The following KCNJ3 variants were observed in gnomAD, a reference collection of about 807,000 sequenced individuals.
KCNJ3 encodes potassium inwardly rectifying channel subfamily J member 3.
KCNJ3 carries 4 observed loss-of-function variants against 39.2 expected under a neutral mutation model. The observed-to-expected ratio is 0.10, with a 90% CI of 0.05 to 0.23. The LOEUF is 0.23. KCNJ3 is among the 10% of genes least tolerant of loss of function. The pLI, the probability that KCNJ3 is intolerant of heterozygous loss-of-function variation, is 1.00. For synonymous variants in KCNJ3, 230 were observed against 237.4 expected (o/e 0.97, Z 0.29); for missense variants, 276 against 634.9 (o/e 0.43, Z 6.08).
At chr2:154,709,288 C>A in intron 1 of KCNJ3, 1 of 371,876 alleles carries the variant, frequency 2.7e-6, no homozygotes, top group Middle Eastern at 7.8e-4. Context: ...TGCTGTCAAG[C>A]AGCAGCACAT....
At chr2:154,800,803 G>T (rs931118469) in intron 2 of KCNJ3, among the ~76,000 whole-genome samples, 1 of 152,030 alleles carries the variant, frequency 6.6e-6, no homozygotes, top group Non-Finnish European at 1.5e-5. Flanking sequence ...CTGTTCTATA[G>T]TACCTTTAGA....
intron 2 of KCNJ3, among the ~76,000 whole-genome samples, chr2:154,714,217 A>G (rs538882606): frequency 2.0e-5 from 3 of 152,036 alleles, no homozygotes; most frequent in Non-Finnish European, 4.4e-5. Context: ...ACTCCTTTCT[A>G]TTTGCTCTGA....
chr2:154,730,059 A>T (rs1685425592), intron 2 of KCNJ3, among the ~76,000 whole-genome samples: 1 of 151,840 alleles, frequency 6.6e-6, no homozygotes. Flanking sequence ...ACATTTAGGA[A>T]TCATTTCAGA....
intron 2 of KCNJ3, among the ~76,000 whole-genome samples, chr2:154,712,746 G>T (rs1173474472): frequency 6.6e-6 from 1 of 152,104 alleles, no homozygotes; most frequent in Non-Finnish European, 1.5e-5. Flanking sequence ...TGGAAGGATT[G>T]CTTGAGCCTG....
intron 2 of KCNJ3, among the ~76,000 whole-genome samples, chr2:154,807,120 G>A (rs979968587): frequency 6.6e-6 from 1 of 152,164 alleles, no homozygotes; most frequent in Non-Finnish European, 1.5e-5. Flanking sequence ...CCCACAGAGT[G>A]CACAGAAACA....
In KCNJ3 at chr2:154,723,855, C is replaced by T. The variant is rs529450621; in HGVS notation, c.919+14036C>T. ...AATGAGTTTGTGTTCAAAACATAGTCTTTTAAAAATCCTTCAGAGTGATAT... is the reference window on the plus strand; with the variant it reads ...AATGAGTTTGTGTTCAAAACATAGTTTTTTAAAAATCCTTCAGAGTGATAT... On this transcript the variant is annotated intron_variant, in intron 2 of 2. Coordinates refer to ENST00000295101, the MANE Select transcript of KCNJ3 (RefSeq NM_002239.4). Among the ~76,000 whole-genome samples the T allele has an allele frequency of 1.1e-3, 170 of 152,130 alleles. 1 individual carries two copies. The Middle Eastern group carries it at 0.014, about 12-fold the overall frequency.
At chr2:154,764,704 T>TA (rs35683604) in intron 2 of KCNJ3, among the ~76,000 whole-genome samples, 17 of 151,532 alleles carry the variant, frequency 1.1e-4, no homozygotes, top group Non-Finnish European at 1.8e-4. Flanking sequence ...ATAATCTAAT[T>TA]AAAAAAAAAG....
At chr2:154,829,858 TTTGA>T (rs2105118199) in intron 2 of KCNJ3, among the ~76,000 whole-genome samples, 1 of 152,274 alleles carries the variant, frequency 6.6e-6, no homozygotes, top group Non-Finnish European at 1.5e-5. Flanking sequence ...TTATTGTGGT[TTTGA>T]TTTTTATTTT....
chr2:154,706,884 C>T (rs1685020091), intron 1 of KCNJ3, among the ~76,000 whole-genome samples: 1 of 152,082 alleles, frequency 6.6e-6, no homozygotes, highest in African/African-American at 2.4e-5. Flanking sequence ...TAAAACCACA[C>T]CCTTCACTTT....
intron 2 of KCNJ3, among the ~76,000 whole-genome samples, chr2:154,738,288 G>A (rs1277117257): frequency 1.3e-5 from 2 of 152,168 alleles, no homozygotes; most frequent in East Asian, 3.9e-4. Context: ...AGGGAGGTGG[G>A]GAGATGGGGA....
chr2:154,744,284 T>C (rs888510824), intron 2 of KCNJ3, among the ~76,000 whole-genome samples: 7 of 151,738 alleles, frequency 4.6e-5, no homozygotes, highest in African/African-American at 1.7e-4. Flanking sequence ...TCATGAGGGA[T>C]ATTGAGGTGT....
chr2:154,822,640 T>C (rs1687203789), intron 2 of KCNJ3, among the ~76,000 whole-genome samples: 2 of 152,166 alleles, frequency 1.3e-5, no homozygotes, highest in Non-Finnish European at 2.9e-5. Flanking sequence ...AACATACCTA[T>C]TTGATTACAG....
intron 2 of KCNJ3, among the ~76,000 whole-genome samples, chr2:154,797,881 T>C (rs1424767890): frequency 6.6e-6 from 1 of 152,144 alleles, no homozygotes. Context: ...CAACAGATTT[T>C]TAAGGGTAGA....
chr2:154,815,973 G>C lies in KCNJ3; in HGVS notation c.920-38754G>C, dbSNP rs562804344. 9.9e-5 allele frequency among the ~76,000 whole-genome samples: 15 copies of C among 152,218 alleles called. No individual in the cohort carries two copies. In the South Asian group the frequency reaches 3.1e-3, roughly 32 times the overall value. On this transcript the variant is annotated intron_variant, in intron 2 of 2. Coordinates refer to ENST00000295101, the MANE Select transcript of KCNJ3 (RefSeq NM_002239.4). ...ATGTGTGTCCCACCATAGTGTTTTA[G>C]TATTTTTCAGAGAGCTGATCACTGC...
intron 1 of KCNJ3, among the ~76,000 whole-genome samples, chr2:154,706,555 A>G (rs1342346673): frequency 6.6e-6 from 1 of 152,144 alleles, no homozygotes; most frequent in Non-Finnish European, 1.5e-5. Context: ...ACTTTCATAT[A>G]CATGTATTTA....
At chr2:154,795,184 C>A (rs1424314147) in intron 2 of KCNJ3, among the ~76,000 whole-genome samples, 2 of 151,908 alleles carry the variant, frequency 1.3e-5, no homozygotes, top group African/African-American at 4.8e-5. Flanking sequence ...GCCATAATTT[C>A]TTTTTATTTT....
intron 2 of KCNJ3, among the ~76,000 whole-genome samples, chr2:154,776,478 A>C (rs999974514): frequency 6.6e-6 from 1 of 152,164 alleles, no homozygotes. Context: ...TATATTAATT[A>C]ATTAATTAGT....
intron 2 of KCNJ3, among the ~76,000 whole-genome samples, chr2:154,768,378 G>A (rs1686173429): frequency 6.6e-6 from 1 of 152,136 alleles, no homozygotes; most frequent in Non-Finnish European, 1.5e-5. Context: ...GTGTAAGGAA[G>A]GGATCCAGTT....
chr2:154,766,724 T>G (rs1374221283), intron 2 of KCNJ3, among the ~76,000 whole-genome samples: 1 of 151,902 alleles, frequency 6.6e-6, no homozygotes, highest in Non-Finnish European at 1.5e-5. Context: ...CCTGGCTAAT[T>G]TTTGTATTTT....
Sources: allele counts gnomAD v4.1 joint callset (sites outside exome capture counted in the v4.1 genomes callset), GRCh38; gene constraint gnomAD v4.1.1; transcripts MANE v1.5; gene names NCBI Gene and HGNC (gene_info 2026-07-23, HGNC 2026-07-21).